The following GRM7 variants were observed in gnomAD, a reference collection of about 807,000 sequenced individuals.
GRM7 encodes the protein metabotropic glutamate receptor 7.
A neutral mutation model predicts 84.5 loss-of-function variants in GRM7; 35 were observed. That is an observed-to-expected ratio of 0.41 (90% CI 0.32 to 0.55). The LOEUF (loss-of-function observed/expected upper bound fraction) is 0.55, where lower values mean the gene tolerates loss of function less well. GRM7 is among the 20% of genes least tolerant of loss of function. The pLI, the probability that GRM7 is intolerant of heterozygous loss-of-function variation, is 0.19. For missense variants in GRM7, 1,003 were observed against 1,194.6 expected, an observed-to-expected ratio of 0.84 and a Z score of 2.36; for synonymous variants, 487 against 455.1, an observed-to-expected ratio of 1.07 and a Z score of -0.89.
At chr3:7,121,478 T>C (rs1441384669) in intron 1 of GRM7, among the ~76,000 whole-genome samples, 1 of 152,180 alleles carries the variant, frequency 6.6e-6, no homozygotes, top group Non-Finnish European at 1.5e-5. Context: ...TTATTATGAG[T>C]TATCTATGCT....
At chr3:6,978,461 A>C (rs1360433265) in intron 1 of GRM7, among the ~76,000 whole-genome samples, 1 of 152,196 alleles carries the variant, frequency 6.6e-6, no homozygotes, top group Non-Finnish European at 1.5e-5. Context: ...TAGCAAGGGC[A>C]CTGGAAATTA....
intron 2 of GRM7, among the ~76,000 whole-genome samples, chr3:7,215,821 A>G (rs569059563): frequency 6.6e-6 from 1 of 152,316 alleles, no homozygotes; most frequent in East Asian, 1.9e-4. Context: ...TAAACATTAC[A>G]TTTGCTCTCT....
intron 4 of GRM7, among the ~76,000 whole-genome samples, chr3:7,316,266 A>G (rs1056497412): frequency 6.6e-6 from 1 of 152,152 alleles, no homozygotes; most frequent in Non-Finnish European, 1.5e-5. Flanking sequence ...GCTATTGATT[A>G]CGAGTAAAGT....
intron 2 of GRM7, among the ~76,000 whole-genome samples, chr3:7,284,060 C>A (rs1456959086): frequency 6.6e-6 from 1 of 152,146 alleles, no homozygotes; most frequent in Non-Finnish European, 1.5e-5. Context: ...CATCAAGAAT[C>A]TTAATTTGTC....
chr3:7,547,408 G>C (rs928331162), intron 7 of GRM7, among the ~76,000 whole-genome samples: 1 of 151,818 alleles, frequency 6.6e-6, no homozygotes, highest in African/African-American at 2.4e-5. Flanking sequence ...GGGTTTCACT[G>C]TGTTAGCCAG....
chr3:6,909,848 A>T (rs958441714), intron 1 of GRM7, among the ~76,000 whole-genome samples: 3 of 152,106 alleles, frequency 2.0e-5, no homozygotes, highest in Non-Finnish European at 4.4e-5. Flanking sequence ...AAAATAGTAA[A>T]TTTTTATGTA....
chr3:7,410,644 AAAC>A (rs1695893307), intron 4 of GRM7, among the ~76,000 whole-genome samples: 1 of 147,556 alleles, frequency 6.8e-6, no homozygotes, highest in Non-Finnish European at 1.5e-5. Flanking sequence ...CATACACACA[AAAC>A]CACCACCACC....
At chr3:7,216,104 CTATTTT>C (rs1696600900) in intron 2 of GRM7, among the ~76,000 whole-genome samples, 1 of 152,116 alleles carries the variant, frequency 6.6e-6, no homozygotes, top group East Asian at 1.9e-4. Context: ...AGCTCTGATT[CTATTTT>C]TATTTCCAAA....
chr3:7,330,813 C>T (rs1043799251), intron 4 of GRM7, among the ~76,000 whole-genome samples: 3 of 152,158 alleles, frequency 2.0e-5, no homozygotes, highest in African/African-American at 7.2e-5. Flanking sequence ...ACTAATACCC[C>T]TTCCTCCAGG....
chr3:6,894,507 A>C (rs1436800321), intron 1 of GRM7, among the ~76,000 whole-genome samples: 1 of 152,120 alleles, frequency 6.6e-6, no homozygotes, highest in African/African-American at 2.4e-5. Context: ...AGCCAAATTA[A>C]TTGTAATATA....
intron 8 of GRM7, among the ~76,000 whole-genome samples, chr3:7,592,408 T>C (rs1485542450): frequency 6.6e-6 from 1 of 152,108 alleles, no homozygotes; most frequent in Non-Finnish European, 1.5e-5. Flanking sequence ...GAGAAGAGCA[T>C]TCTGGGTAGA....
chr3:7,430,763 A>G (rs533286032), intron 5 of GRM7, among the ~76,000 whole-genome samples: 1 of 152,142 alleles, frequency 6.6e-6, no homozygotes, highest in Non-Finnish European at 1.5e-5. Context: ...TCTTTTCGAG[A>G]TGTTTCTGTA....
intron 2 of GRM7, among the ~76,000 whole-genome samples, chr3:7,191,178 A>G (rs1039484142): frequency 1.3e-5 from 2 of 152,154 alleles, no homozygotes; most frequent in African/African-American, 4.8e-5. Context: ...TTCAAGCTGC[A>G]GTCAGTGCTT....
intron 4 of GRM7, among the ~76,000 whole-genome samples, chr3:7,308,451 A>G (rs1445558048): frequency 6.6e-6 from 1 of 152,148 alleles, no homozygotes; most frequent in Non-Finnish European, 1.5e-5. Flanking sequence ...TTCTTTGCTG[A>G]AAGTTGTAGG....
At chr3:7,344,402 C>A (rs117211428) in intron 4 of GRM7, among the ~76,000 whole-genome samples, 4 of 151,938 alleles carry the variant, frequency 2.6e-5, no homozygotes, top group African/African-American at 9.7e-5. Flanking sequence ...GTTCCATCCA[C>A]GTCCCAGCAA....
intron 9 of GRM7, among the ~76,000 whole-genome samples, chr3:7,695,878 T>C (rs1700996170): frequency 6.6e-6 from 1 of 152,204 alleles, no homozygotes; most frequent in Non-Finnish European, 1.5e-5. Flanking sequence ...TAGTTGTCAA[T>C]CCATACAGTA....
chr3:7,222,759 A>G (rs1696852182), intron 2 of GRM7, among the ~76,000 whole-genome samples: 1 of 152,214 alleles, frequency 6.6e-6, no homozygotes. Context: ...AGTTTCCCTT[A>G]TACACAATCC....
intron 1 of GRM7, among the ~76,000 whole-genome samples, chr3:6,955,971 A>C (rs576785775): frequency 6.6e-6 from 1 of 152,332 alleles, no homozygotes; most frequent in Non-Finnish European, 1.5e-5. Context: ...AAATTGCTTT[A>C]ATCACAAAGG....
In GRM7 at chr3:7,729,008, C is replaced by G. The variant is rs1179118924; in HGVS notation, c.2699-11349C>G. ...TAAGAAACAAGTCATCCTCTCTGCA[C>G]CTTGGACAGCAACCTCAGCATAATG... On this transcript the variant is annotated intron_variant, in intron 9 of 9. Transcript: ENST00000357716. Among the ~76,000 whole-genome samples the G allele has an allele frequency of 2.0e-5, 3 of 150,824 alleles. No homozygotes were observed. In the East Asian group the frequency reaches 5.8e-4, roughly 29 times the overall value.
Sources: allele counts gnomAD v4.1 joint callset (sites outside exome capture counted in the v4.1 genomes callset), GRCh38; gene constraint gnomAD v4.1.1; transcripts MANE v1.5; gene names NCBI Gene and HGNC (gene_info 2026-07-23, HGNC 2026-07-21).